The following OXR1 variants were observed in gnomAD, a reference collection of about 807,000 sequenced individuals.
OXR1 encodes the protein oxidation resistance protein 1.
OXR1 carries 41 observed loss-of-function variants against 104.6 expected under a neutral mutation model. The ratio of observed to expected loss-of-function variants is 0.39; its 90% CI spans 0.31 to 0.51. The LOEUF is 0.51. Ranked by LOEUF, OXR1 falls within the 20% of genes least tolerant of loss-of-function variation. The probability of loss-of-function intolerance (pLI) is 0.77; values close to 1 mark genes in which losing one functional copy is unlikely to be tolerated. For missense variants in OXR1, 955 were observed against 1,031.9 expected (o/e 0.93, Z 1.02); for synonymous variants, 348 against 348.4 (o/e 1.00, Z 0.01).
chr8:106,607,741 A>T (rs565774614), intron 3 of OXR1, among the ~76,000 whole-genome samples: 9 of 152,046 alleles, frequency 5.9e-5, no homozygotes, highest in Admixed American at 5.9e-4. Context: ...TTTTGCATAC[A>T]TTATCTCATT....
intron 3 of OXR1, among the ~76,000 whole-genome samples, chr8:106,555,968 A>G (rs1176721768): frequency 2.7e-5 from 4 of 147,668 alleles, no homozygotes; most frequent in Non-Finnish European, 4.5e-5. Flanking sequence ...ATATTAAACT[A>G]TAAAAAGAAA....
At chr8:106,485,001 A>G (rs989779591) in intron 2 of OXR1, among the ~76,000 whole-genome samples, 1 of 151,992 alleles carries the variant, frequency 6.6e-6, no homozygotes, top group African/African-American at 2.4e-5. Context: ...CAGCACTAAT[A>G]AAAGAGCTCT....
chr8:106,550,106 A>G (rs1815685135), intron 3 of OXR1, among the ~76,000 whole-genome samples: 1 of 152,192 alleles, frequency 6.6e-6, no homozygotes, highest in Admixed American at 6.5e-5. Context: ...AAGAGCTTAA[A>G]TATCTACCCA....
intron 2 of OXR1, among the ~76,000 whole-genome samples, chr8:106,477,626 A>G (rs1267563092): frequency 1.3e-5 from 2 of 151,764 alleles, no homozygotes; most frequent in South Asian, 2.1e-4. Context: ...ATACCTTTTT[A>G]TTTTTTTCAA....
chr8:106,323,389 T>G (rs757478312), intron 1 of OXR1, among the ~76,000 whole-genome samples: 6 of 152,174 alleles, frequency 3.9e-5, no homozygotes, highest in Non-Finnish European at 7.3e-5. Context: ...ATTAAAGACT[T>G]AAATATAAAA....
intron 2 of OXR1, among the ~76,000 whole-genome samples, chr8:106,389,470 T>A (rs1408702771): frequency 6.6e-6 from 1 of 152,232 alleles, no homozygotes; most frequent in African/African-American, 2.4e-5. Flanking sequence ...CTATGAGGCC[T>A]GTGTCTATAG....
In OXR1 at chr8:106,745,847, C is replaced by G; in HGVS notation, c.2471C>G (p.Ala824Gly). The G allele has an allele frequency of 6.3e-7, 1 of 1,582,728 alleles. No homozygotes were observed. Residue 824 changes from alanine (A) to glycine (G), a missense_variant, in exon 16 of 17, where the codon GCT (alanine) becomes GGT (glycine). Ala to Gly is a moderately conservative substitution (Grantham distance 60). Coordinates refer to ENST00000517566, the MANE Select transcript of OXR1 (RefSeq NM_001198533.2). Reference sequence around the variant, plus strand: ...ATCAAAGGAGACATGGATTCACTAGCTTTCGGTGGTGGAGGGTAAGTCTCT... The same window carrying G: ...ATCAAAGGAGACATGGATTCACTAGGTTTCGGTGGTGGAGGGTAAGTCTCT... ...FFIKGDMDSLAFGGGGGEFAL... is the reference protein window; with the variant it reads ...FFIKGDMDSLGFGGGGGEFAL...
intron 3 of OXR1, among the ~76,000 whole-genome samples, chr8:106,583,819 C>A (rs1293181131): frequency 6.6e-6 from 1 of 152,114 alleles, no homozygotes; most frequent in African/African-American, 2.4e-5. Context: ...CTTAACGTTA[C>A]TGACATTAAG....
chr8:106,427,656 C>T (rs1819187387), intron 2 of OXR1, among the ~76,000 whole-genome samples: 3 of 152,210 alleles, frequency 2.0e-5, no homozygotes, highest in Middle Eastern at 3.4e-3. Context: ...TTAAGTCTTC[C>T]ATTATCTCTA....
rs1280291961 is a variant in OXR1, at chr8:106,692,004, CAT to C, written c.526-714_526-713del. 8.0e-4 allele frequency among the ~76,000 whole-genome samples: 108 copies of C among 134,212 alleles called. 1 individual carries two copies. The highest frequency in any genetic ancestry group is 1.7e-3 in the Admixed American group (24 of 13,858). The allele number at this position is 134,212 out of a possible 152,430, so 88.0% of individuals were successfully genotyped here. A position where few individuals can be genotyped will look rare whatever the true frequency, so the allele number is the denominator to read the frequency against. On this transcript the variant is annotated intron_variant, in intron 6 of 16. Coordinates refer to ENST00000517566, the MANE Select transcript of OXR1 (RefSeq NM_001198533.2). ...ATATATATACACACACACACACACACATATATATATACACATATATATATAAC... is the reference window on the plus strand; with the variant it reads ...ATATATATACACACACACACACACACATATATATACACATATATATATAAC...
chr8:106,572,219 AG>A (rs1379969888), intron 3 of OXR1, among the ~76,000 whole-genome samples: 1 of 152,204 alleles, frequency 6.6e-6, no homozygotes, highest in Middle Eastern at 3.2e-3. Flanking sequence ...GATTCCAAAA[AG>A]TCTGACAGCC....
At chr8:106,299,807 C>T (rs1361015261) in intron 1 of OXR1, among the ~76,000 whole-genome samples, 2 of 149,996 alleles carry the variant, frequency 1.3e-5, no homozygotes, top group Non-Finnish European at 2.9e-5. Flanking sequence ...GATTTAAGGC[C>T]TGAAGTAAAT....
At chr8:106,285,473 A>G (rs1281482065) in intron 1 of OXR1, among the ~76,000 whole-genome samples, 1 of 152,144 alleles carries the variant, frequency 6.6e-6, no homozygotes, top group African/African-American at 2.4e-5. Flanking sequence ...AGTATTGGAC[A>G]GTAACAAGTG....
At chr8:106,599,585 C>A (rs879531108) in intron 3 of OXR1, among the ~76,000 whole-genome samples, 1 of 152,098 alleles carries the variant, frequency 6.6e-6, no homozygotes, top group Non-Finnish European at 1.5e-5. Flanking sequence ...CAAAGTAAGC[C>A]AGAAGCTTAA....
intron 1 of OXR1, among the ~76,000 whole-genome samples, chr8:106,306,471 A>G (rs1347155039): frequency 2.6e-5 from 4 of 152,108 alleles, no homozygotes; most frequent in African/African-American, 7.2e-5. Flanking sequence ...GTTTACAAAA[A>G]TAGCTGTTCA....
chr8:106,594,636 T>C (rs1243060828), intron 3 of OXR1, among the ~76,000 whole-genome samples: 1 of 151,976 alleles, frequency 6.6e-6, no homozygotes, highest in Non-Finnish European at 1.5e-5. Context: ...GAAAATAAAG[T>C]TTTGGCACCT....
chr8:106,494,237 C>T (rs1359608337), intron 2 of OXR1, among the ~76,000 whole-genome samples: 3 of 152,116 alleles, frequency 2.0e-5, no homozygotes, highest in Non-Finnish European at 4.4e-5. Flanking sequence ...ATTCATTGCC[C>T]TCTAGGAGCT....
chr8:106,305,476 A>G (rs1813428836), intron 1 of OXR1, among the ~76,000 whole-genome samples: 2 of 152,170 alleles, frequency 1.3e-5, no homozygotes, highest in South Asian at 4.1e-4. Context: ...AATTCTTTTC[A>G]TGACTTTGCT....
intron 1 of OXR1, among the ~76,000 whole-genome samples, chr8:106,290,230 G>A (rs1218395880): frequency 6.6e-6 from 1 of 152,150 alleles, no homozygotes. Flanking sequence ...AAATGGTGCA[G>A]ACATAACTGG....
Sources: gnomAD v4.1 joint callset for allele counts (sites outside exome capture counted in the v4.1 genomes callset) on GRCh38, gnomAD v4.1.1 for gene constraint, MANE v1.5 for transcripts, NCBI Gene and HGNC (gene_info 2026-07-23, HGNC 2026-07-21) for gene names.